ALMS1: variants seen among roughly 807,000 people sequenced by gnomAD.
ALMS1 encodes ALMS1 centrosome and basal body associated protein, also known as centrosome-associated protein ALMS1.
In ALMS1, 271 loss-of-function variants were observed where a neutral mutation model predicts 352.2. The observed-to-expected ratio is 0.77, with a 90% CI of 0.70 to 0.85. ALMS1 has a LOEUF of 0.85. Among genes scored for constraint, ALMS1 ranks in the 40% least tolerant of loss-of-function variants. The pLI is 0.00. For missense variants in ALMS1, 5,445 were observed against 4,870.7 expected, an observed-to-expected ratio of 1.12 and a Z score of -3.51; for synonymous variants, 1,865 against 1,761.2, an observed-to-expected ratio of 1.06 and a Z score of -1.48.
chr2:73,581,863 G>C (rs1675187358), intron 16 of ALMS1, among the ~76,000 whole-genome samples: 1 of 151,738 alleles, frequency 6.6e-6, no homozygotes, highest in Admixed American at 6.6e-5. Context: ...TTCTGCCTCA[G>C]CCTACCGAGT....
At chr2:73,489,533 T>G in intron 9 of ALMS1, 101 bp from the exon 10 acceptor site, 8 of 1,356,380 alleles carry the variant, frequency 5.9e-6, no homozygotes, top group Non-Finnish European at 8.4e-6. Flanking sequence ...ACCTTCATGG[T>G]CTAATCTTAG....
At position 73,601,089 on chromosome 2, in the gene ALMS1, C is replaced by T. The variant is rs187930911; in HGVS notation, c.11873-106C>T. On this transcript the variant is annotated intron_variant, in intron 18 of 22. Transcript: ENST00000613296. Reference sequence around the variant, plus strand: ...AAGGGCACCCTGTGGCCTCTGACAGCTGAGACCCCTGAGAACCTGTATTAT... The same window carrying T: ...AAGGGCACCCTGTGGCCTCTGACAGTTGAGACCCCTGAGAACCTGTATTAT... 55 of 1,565,626 alleles carry T rather than the reference C, an allele frequency of 3.5e-5. No individual in the cohort carries two copies. The Admixed American group carries it at 6.0e-4, about 17-fold the overall frequency.
At chr2:73,551,425 CTTTTTTT>C (rs372741747) in intron 13 of ALMS1, among the ~76,000 whole-genome samples, 23 of 73,700 alleles carry the variant, frequency 3.1e-4, no homozygotes, top group Middle Eastern at 9.1e-3. Context: ...GAGTTTCAAT[CTTTTTTT>C]TTTTTTTTTT....
At chr2:73,514,759 C>T (rs1673522742) in intron 10 of ALMS1, among the ~76,000 whole-genome samples, 1 of 152,036 alleles carries the variant, frequency 6.6e-6, no homozygotes, top group South Asian at 2.1e-4. Context: ...TGGGGATTAT[C>T]TTAGTTTTTA....
In ALMS1 at chr2:73,452,343, GTTA is replaced by G; in HGVS notation, c.5817_5819del (p.Tyr1941del). The G allele has an allele frequency of 6.2e-7, 1 of 1,613,944 alleles. No homozygotes were observed. The highest frequency in any genetic ancestry group is 8.5e-7 in the Non-Finnish European group (1 of 1,179,976). ...ACTGAGATACCAACAGTACCTTTAA[GTTA>G]CTACTCACGTAGAGAGAAGCCCAGT... On this transcript the variant is annotated inframe_deletion, in exon 8 of 23. Coordinates refer to ENST00000613296, the MANE Select transcript of ALMS1 (RefSeq NM_001378454.1).
intron 18 of ALMS1, 109 bp from the exon 19 acceptor site, chr2:73,601,086 C>T (rs1675674435): frequency 9.0e-6 from 14 of 1,557,282 alleles, no homozygotes; most frequent in Admixed American, 1.7e-5. Flanking sequence ...TGGCCTCTGA[C>T]AGCTGAGACC....
intron 14 of ALMS1, 111 bp from the exon 15 acceptor site, chr2:73,558,861 T>C: frequency 1.7e-6 from 2 of 1,196,208 alleles, no homozygotes; most frequent in South Asian, 1.4e-5. Context: ...AGTCATCTTT[T>C]TTCTTCAATA....
chr2:73,533,659 G>T (rs1673967158), intron 11 of ALMS1, among the ~76,000 whole-genome samples: 1 of 152,056 alleles, frequency 6.6e-6, no homozygotes, highest in African/African-American at 2.4e-5. Flanking sequence ...AGGGAAGTTG[G>T]ACACGAGGTC....
intron 2 of ALMS1, among the ~76,000 whole-genome samples, chr2:73,416,880 T>C (rs1033276194): frequency 1.3e-5 from 2 of 152,140 alleles, no homozygotes; most frequent in Non-Finnish European, 2.9e-5. Flanking sequence ...GGGGAATCGC[T>C]TGAGTCTAGG....
Position 73,550,307 on chromosome 2 carries a change from G to A in ALMS1, c.9948G>A (p.Val3316=), listed in dbSNP as rs760594577. The A allele has an allele frequency of 6.2e-7, 1 of 1,614,108 alleles. No individual in the cohort carries two copies. The highest frequency in any genetic ancestry group is 1.1e-5 in the South Asian group (1 of 91,066). Reference sequence around the variant, plus strand: ...TTGCTCCAGACTTCCCAGCTCAGGTGCTAGGCACAAGAGATGATGACCTCT... The same window carrying A: ...TTGCTCCAGACTTCCCAGCTCAGGTACTAGGCACAAGAGATGATGACCTCT... The part of the protein sequence containing the change: ...DAIAPDFPAQ[V]LGTRDDDLSA... The change falls in exon 13 of 23, where the codon GTG becomes GTA. Residue 3316 remains valine, a synonymous_variant. Transcript: ENST00000613296.
At position 73,572,315 on chromosome 2, in the gene ALMS1, G is replaced by A. The variant is rs755694399; in HGVS notation, c.10438G>A (p.Ala3480Thr). ...TACTACCCGTTCTGTCTTCAGGTCA[G>A]CAAAGTTTTACATTCATCATCCCGT... The part of the protein sequence containing the change: ...ENTTRSVFRS[A>T]KFYIHHPVHL... Residue 3480 changes from alanine to threonine, a missense_variant, in exon 16 of 23, where the codon GCA becomes ACA. Coordinates refer to ENST00000613296, the MANE Select transcript of ALMS1 (RefSeq NM_001378454.1). The A allele has an allele frequency of 2.5e-6, 4 of 1,605,888 alleles. No individual in the cohort carries two copies. The highest frequency in any genetic ancestry group is 8.5e-7 in the Non-Finnish European group (1 of 1,176,938).
chr2:73,471,427 G>A (rs1262972933), intron 9 of ALMS1, among the ~76,000 whole-genome samples: 7 of 140,280 alleles, frequency 5.0e-5, no homozygotes, highest in Admixed American at 1.5e-4. Flanking sequence ...GAAAATATTT[G>A]CAAACCATGT....
intron 6 of ALMS1, 138 bp from the exon 7 acceptor site, chr2:73,432,059 TA>T: frequency 1.5e-6 from 1 of 664,650 alleles, no homozygotes; most frequent in Non-Finnish European, 2.7e-6. Context: ...TTCCTCTTTG[TA>T]AAAATGAAGG....
chr2:73,474,753 A>G (rs1006900779), intron 9 of ALMS1, among the ~76,000 whole-genome samples: 3 of 152,142 alleles, frequency 2.0e-5, no homozygotes, highest in African/African-American at 7.2e-5. Context: ...TCAGTAAAAG[A>G]CATATTTTAG....
Position 73,424,484 on chromosome 2 carries a change from T to C in ALMS1, c.819T>C (p.Val273=). The C allele has an allele frequency of 6.2e-7, 1 of 1,603,960 alleles. No homozygotes were observed. Among genetic ancestry groups the C allele is most frequent in the South Asian group, 1.1e-5 (1 of 88,542 alleles). The change falls in exon 5 of 23, where the codon GTT becomes GTC. Residue 273 remains valine, a synonymous_variant. Transcript: ENST00000613296. ...AATGGTCTTCTCGACCATCGGAAGT[T>C]AGTGAAGCTTTATTCCAGGCTACTG... ...DTEWSSRPSE[V]SEALFQATAE...
intron 9 of ALMS1, among the ~76,000 whole-genome samples, chr2:73,464,229 T>C (rs560105025): frequency 9.9e-5 from 15 of 152,122 alleles, no homozygotes; most frequent in South Asian, 4.1e-4. Context: ...CAGCAGCACA[T>C]CAAAAAGCTT....
chr2:73,386,715 G>C (rs911946552), intron 1 of ALMS1, among the ~76,000 whole-genome samples: 1 of 152,100 alleles, frequency 6.6e-6, no homozygotes, highest in African/African-American at 2.4e-5. Flanking sequence ...GGGTTCCCCA[G>C]CCGATAGGAG....
chr2:73,433,957 T>C (rs1056343184), intron 7 of ALMS1, among the ~76,000 whole-genome samples: 2 of 152,316 alleles, frequency 1.3e-5, no homozygotes, highest in Non-Finnish European at 2.9e-5. Context: ...ATGCCCTCTC[T>C]TTCATTCCTG....
chr2:73,415,305 G>C (rs1436855534), intron 2 of ALMS1, among the ~76,000 whole-genome samples: 1 of 152,122 alleles, frequency 6.6e-6, no homozygotes, highest in East Asian at 1.9e-4. Context: ...TAAAAATTCA[G>C]TTTATAATGG....
Sources: allele counts gnomAD v4.1 joint callset (sites outside exome capture counted in the v4.1 genomes callset), GRCh38; gene constraint gnomAD v4.1.1; transcripts MANE v1.5; gene names NCBI Gene and HGNC (gene_info 2026-07-23, HGNC 2026-07-21).